Variants in CALN1 observed in about 807,000 individuals in gnomAD.
CALN1 encodes calcium-binding protein 8.
Under a neutral mutation model 30.6 loss-of-function variants are expected in CALN1, and 17 were observed. That is an observed-to-expected ratio of 0.56 (90% CI 0.38 to 0.83). The LOEUF (loss-of-function observed/expected upper bound fraction) is 0.83. Among genes scored for constraint, CALN1 ranks in the 40% least tolerant of loss-of-function variants. The pLI, the probability that CALN1 is intolerant of heterozygous loss-of-function variation, is 0.00. For synonymous variants in CALN1, 156 were observed against 131.4 expected (o/e 1.19, Z -1.28); for missense variants, 291 against 354.9 (o/e 0.82, Z 1.45).
intron 2 of CALN1, among the ~76,000 whole-genome samples, chr7:72,390,078 G>C (rs1199206772): frequency 6.6e-6 from 1 of 152,042 alleles, no homozygotes; most frequent in African/African-American, 2.4e-5. Flanking sequence ...GTTGGCTAAG[G>C]AGGGGTAGGA....
intron 5 of CALN1, among the ~76,000 whole-genome samples, chr7:71,951,598 A>C (rs945810467): frequency 2.6e-5 from 4 of 152,160 alleles, no homozygotes; most frequent in Non-Finnish European, 4.4e-5. Flanking sequence ...CTCAATAACA[A>C]ACAAACAAAA....
chr7:72,402,926 G>A (rs1806439507), intron 2 of CALN1, among the ~76,000 whole-genome samples: 1 of 152,152 alleles, frequency 6.6e-6, no homozygotes, highest in Non-Finnish European at 1.5e-5. Context: ...AATTGTCTAT[G>A]CAAAGCTCCC....
At chr7:72,197,958 G>A (rs1055403023) in intron 3 of CALN1, among the ~76,000 whole-genome samples, 2 of 152,010 alleles carry the variant, frequency 1.3e-5, no homozygotes, top group East Asian at 1.9e-4. Context: ...ACCTTTCTTC[G>A]TGGTCTAATC....
chr7:71,843,615 A>T (rs536983084), intron 5 of CALN1, among the ~76,000 whole-genome samples: 3 of 152,250 alleles, frequency 2.0e-5, no homozygotes, highest in Non-Finnish European at 4.4e-5. Context: ...AGAGCAAGAC[A>T]CTGTCTCTAA....
intron 5 of CALN1, among the ~76,000 whole-genome samples, chr7:71,923,623 T>C (rs1276387038): frequency 1.3e-5 from 2 of 152,104 alleles, no homozygotes; most frequent in African/African-American, 4.8e-5. Flanking sequence ...TAGTTTATTG[T>C]TTTTCCTGGG....
chr7:72,018,391 A>G (rs1800520094), intron 5 of CALN1, among the ~76,000 whole-genome samples: 1 of 151,944 alleles, frequency 6.6e-6, no homozygotes, highest in South Asian at 2.1e-4. Flanking sequence ...TGCCATTCCC[A>G]TATACCATAT....
At chr7:72,042,791 T>C (rs1480113393) in intron 4 of CALN1, among the ~76,000 whole-genome samples, 1 of 152,138 alleles carries the variant, frequency 6.6e-6, no homozygotes, top group Non-Finnish European at 1.5e-5. Flanking sequence ...GCATAAACCA[T>C]ATTGTTTGAA....
chr7:71,987,102 G>A (rs117891853), intron 5 of CALN1, among the ~76,000 whole-genome samples: 2,397 of 151,880 alleles, frequency 0.016, 26 homozygotes, highest in Middle Eastern at 0.027. Flanking sequence ...CTCCAGCCTC[G>A]GTGACAGAGC....
At chr7:72,262,407 T>C (rs1438443417) in intron 3 of CALN1, among the ~76,000 whole-genome samples, 2 of 152,150 alleles carry the variant, frequency 1.3e-5, no homozygotes, top group African/African-American at 4.8e-5. Context: ...TACATGGATA[T>C]ATTGCATGAT....
chr7:72,189,616 CAT>C (rs1339627547), intron 3 of CALN1, among the ~76,000 whole-genome samples: 1 of 151,886 alleles, frequency 6.6e-6, no homozygotes, highest in Non-Finnish European at 1.5e-5. Flanking sequence ...CTACTAAAGA[CAT>C]AAAAATTAGC....
intron 5 of CALN1, among the ~76,000 whole-genome samples, chr7:71,831,435 G>A (rs1159392517): frequency 1.3e-5 from 2 of 152,084 alleles, no homozygotes; most frequent in Non-Finnish European, 1.5e-5. Flanking sequence ...AGCCAAGATC[G>A]TGCCACTGCA....
At chr7:72,089,918 G>A (rs1035486408) in intron 4 of CALN1, among the ~76,000 whole-genome samples, 16 of 152,176 alleles carry the variant, frequency 1.1e-4, no homozygotes, top group Admixed American at 7.9e-4. Context: ...AAGCCTTGTA[G>A]CATAGAGCCA....
At position 72,443,088 on chromosome 7, in the gene CALN1, T is replaced by C. The variant is rs115595140; in HGVS notation, c.-226+3954A>G. 3.8e-3 allele frequency among the ~76,000 whole-genome samples: 572 copies of C among 152,322 alleles called. 4 individuals are homozygous for C. Among genetic ancestry groups the C allele is most frequent in the African/African-American group, 0.013 (552 of 41,566 alleles). ...ACTTAGGATTGAGCATTATTAAGGGTTGCACAGACACACCCATGCCTCATC... is the reference window on the plus strand; with the variant it reads ...ACTTAGGATTGAGCATTATTAAGGGCTGCACAGACACACCCATGCCTCATC... On this transcript the variant is annotated intron_variant, in intron 1 of 6. Coordinates refer to the CALN1 transcript ENST00000395276.
intron 5 of CALN1, among the ~76,000 whole-genome samples, chr7:71,997,408 G>A (rs1322485759): frequency 2.0e-5 from 3 of 152,098 alleles, no homozygotes; most frequent in African/African-American, 7.2e-5. Flanking sequence ...AAAGAAAATA[G>A]ATGAAATGAT....
chr7:72,215,671 G>A (rs1035346364), intron 3 of CALN1, among the ~76,000 whole-genome samples: 1 of 151,502 alleles, frequency 6.6e-6, no homozygotes, highest in African/African-American at 2.4e-5. Flanking sequence ...CCGTAATACT[G>A]CAAAAGACTT....
chr7:71,874,500 A>C (rs548744461), intron 5 of CALN1, among the ~76,000 whole-genome samples: 78 of 152,222 alleles, frequency 5.1e-4, no homozygotes, highest in Non-Finnish European at 1.6e-4. Context: ...TTCATTCTCT[A>C]GTTTGGGTTC....
chr7:71,852,744 A>C (rs564392332), intron 5 of CALN1, among the ~76,000 whole-genome samples: 1 of 152,308 alleles, frequency 6.6e-6, no homozygotes, highest in East Asian at 1.9e-4. Flanking sequence ...TTTCAGCTTA[A>C]CTTTTTTTCT....
At chr7:71,971,930 C>CAA (rs764756514) in intron 5 of CALN1, among the ~76,000 whole-genome samples, 2 of 38,560 alleles carry the variant, frequency 5.2e-5, no homozygotes, top group Non-Finnish European at 9.9e-5. Flanking sequence ...GACCCTGTCT[C>CAA]AAAAAAAAAA....
intron 1 of CALN1, among the ~76,000 whole-genome samples, chr7:72,418,290 C>T (rs535789007): frequency 1.3e-5 from 2 of 152,292 alleles, no homozygotes; most frequent in African/African-American, 2.4e-5. Flanking sequence ...TTGTAAAGGA[C>T]ATGATCTCAT....
Sources: allele counts gnomAD v4.1 joint callset (sites outside exome capture counted in the v4.1 genomes callset), GRCh38; gene constraint gnomAD v4.1.1; transcripts MANE v1.5; gene names NCBI Gene and HGNC (gene_info 2026-07-23, HGNC 2026-07-21).